C10orf90: variants seen among roughly 807,000 people sequenced by gnomAD.
C10orf90 encodes chromosome 10 open reading frame 90, also known as (E2-independent) E3 ubiquitin-conjugating enzyme FATS.
C10orf90 carries 56 observed loss-of-function variants against 62.5 expected under a neutral mutation model. The observed-to-expected ratio is 0.90, with a 90% confidence interval of 0.72 to 1.12. The LOEUF is 1.12. C10orf90 is among the 50% of genes most tolerant of loss of function. C10orf90 has a pLI of 0.00. For synonymous variants in C10orf90, 386 were observed against 340.4 expected (o/e 1.13, Z -1.47); for missense variants, 970 against 880.4 (o/e 1.10, Z -1.29).
intron 2 of C10orf90, among the ~76,000 whole-genome samples, chr10:126,519,580 G>A (rs576736082): frequency 6.6e-6 from 1 of 152,280 alleles, no homozygotes; most frequent in South Asian, 2.1e-4. Flanking sequence ...TCTTATGGAA[G>A]TCAAGGTTTA....
intron 7 of C10orf90, among the ~76,000 whole-genome samples, chr10:126,458,242 A>T (rs1564806184): frequency 1.3e-5 from 2 of 152,120 alleles, no homozygotes; most frequent in African/African-American, 4.8e-5. Flanking sequence ...ATTCTGAGTT[A>T]TACTCATGAT....
chr10:126,574,361 G>A (rs143622494), intron 2 of C10orf90, among the ~76,000 whole-genome samples: 1,717 of 152,088 alleles, frequency 0.011, 14 homozygotes, highest in Non-Finnish European at 0.017. Context: ...CAAATGGGAA[G>A]TTCACAGAAG....
At chr10:126,575,766 A>G (rs1349648119) in intron 2 of C10orf90, among the ~76,000 whole-genome samples, 8 of 152,104 alleles carry the variant, frequency 5.3e-5, no homozygotes, top group Non-Finnish European at 1.0e-4. Flanking sequence ...GAACCCAGAA[A>G]TTAATCTACA....
Position 126,504,403 on chromosome 10 carries a change from TA to T in C10orf90, c.1087del (p.Tyr363ThrfsTer2). 1 of 1,614,196 alleles carries T rather than the reference TA, an allele frequency of 6.2e-7. No individual in the cohort carries two copies. Among genetic ancestry groups the T allele is most frequent in the Non-Finnish European group, 8.5e-7 (1 of 1,180,040 alleles). ...GGGGACGGAGAGAGACTTGTCTACG[TA>T]ATAGATTGAATCTGGACACTGCTGA... ...VSQQCPDSIYYVDKSLSVPIE... is the reference protein window; with the variant it reads ...VSQQCPDSIYXVDKSLSVPIE... On this transcript the variant is annotated frameshift_variant, in exon 4 of 10. Coordinates refer to ENST00000488181, the MANE Select transcript of C10orf90 (RefSeq NM_001350921.2). LOFTEE classifies it high-confidence loss of function. This position sits in a 1 kb window ranked among gnomAD's most constrained non-coding sequence, Gnocchi z 4.1.
chr10:126,659,253 G>A (rs975322227), intron 1 of C10orf90, among the ~76,000 whole-genome samples: 1 of 152,208 alleles, frequency 6.6e-6, no homozygotes, highest in Non-Finnish European at 1.5e-5. Context: ...GCCATGCACT[G>A]AGAAGCTGGC....
chr10:126,532,730 C>T (rs1013874233), intron 2 of C10orf90, among the ~76,000 whole-genome samples: 10 of 147,798 alleles, frequency 6.8e-5, no homozygotes, highest in African/African-American at 2.0e-4. Flanking sequence ...CCAGCTACTC[C>T]GGAGGGTGAG....
At chr10:126,649,078 C>CCG (rs1554932172) in intron 1 of C10orf90, among the ~76,000 whole-genome samples, 3 of 106,098 alleles carry the variant, frequency 2.8e-5, no homozygotes, top group African/African-American at 7.3e-5. Flanking sequence ...CTCTCCCCCC[C>CCG]CCCCAGCAAT....
intron 2 of C10orf90, among the ~76,000 whole-genome samples, chr10:126,525,558 G>A (rs1017897503): frequency 6.6e-6 from 1 of 152,152 alleles, no homozygotes; most frequent in Non-Finnish European, 1.5e-5. Context: ...GGTTGGGGCA[G>A]CATGTGAAAG....
At chr10:126,508,728 G>C (rs1862917443) in intron 3 of C10orf90, among the ~76,000 whole-genome samples, 2 of 152,268 alleles carry the variant, frequency 1.3e-5, no homozygotes, top group African/African-American at 4.8e-5. Context: ...CAGGGCCTTT[G>C]GCTGCCACAG....
chr10:126,521,591 G>T, intron 2 of C10orf90: 1 of 626,364 alleles, frequency 1.6e-6, no homozygotes, highest in Non-Finnish European at 2.4e-6. Context: ...TCTCTTTGAT[G>T]TTTACATTTG....
At position 126,456,451 on chromosome 10, in the gene C10orf90, C is replaced by T. The variant is rs1300826908; in HGVS notation, c.2188+2589G>A. Reference sequence around the variant, plus strand: ...AAAGGTACTCAGTTAACATTCTGAACTGAGCCTGGTTACCTTTTATTACAT... The same window carrying T: ...AAAGGTACTCAGTTAACATTCTGAATTGAGCCTGGTTACCTTTTATTACAT... On this transcript the variant is annotated intron_variant, in intron 7 of 9. Transcript: ENST00000488181. This position sits in a 1 kb window ranked among gnomAD's most constrained non-coding sequence, Gnocchi z 4.9. Among the ~76,000 whole-genome samples the T allele has an allele frequency of 1.3e-5, 2 of 152,180 alleles. No individual in the cohort carries two copies. The highest frequency in any genetic ancestry group is 1.5e-5 in the Non-Finnish European group (1 of 68,036).
chr10:126,488,007 A>C (rs1861531063), intron 4 of C10orf90, among the ~76,000 whole-genome samples: 1 of 152,134 alleles, frequency 6.6e-6, no homozygotes. Flanking sequence ...TGGTCACTAA[A>C]ATAATAGAAA....
chr10:126,618,332 CCT>C (rs1442838179), intron 2 of C10orf90, among the ~76,000 whole-genome samples: 2 of 152,120 alleles, frequency 1.3e-5, no homozygotes, highest in African/African-American at 4.8e-5. Context: ...TGGCTTTGCC[CCT>C]GACATTGACA....
chr10:126,525,708 C>T (rs1863920978), intron 2 of C10orf90, among the ~76,000 whole-genome samples: 1 of 152,142 alleles, frequency 6.6e-6, no homozygotes, highest in African/African-American at 2.4e-5. Context: ...CACACCACTG[C>T]CATTATCCTG....
rs1325465439 is a variant in C10orf90, at chr10:126,456,040, T to C, written c.2188+3000A>G. On this transcript the variant is annotated intron_variant, in intron 7 of 9. Transcript: ENST00000488181. The surrounding 1 kb of genome is among the most constrained non-coding windows in gnomAD (Gnocchi z 4.9). ...CAGCTACCCCAGCACCAAAAGCAAA[T>C]AGGAGTCTTCTTTTTAACAGACGCC... Among the ~76,000 whole-genome samples, 1 of 152,174 alleles carries C rather than the reference T, an allele frequency of 6.6e-6. No individual in the cohort carries two copies. Among genetic ancestry groups the C allele is most frequent in the Non-Finnish European group, 1.5e-5 (1 of 68,022 alleles).
intron 2 of C10orf90, among the ~76,000 whole-genome samples, chr10:126,614,915 C>A (rs1845509953): frequency 6.6e-6 from 1 of 152,192 alleles, no homozygotes; most frequent in Non-Finnish European, 1.5e-5. Flanking sequence ...TAACAAAGTT[C>A]TTCAAGACTC....
At chr10:126,426,142 G>T (rs769036107) in intron 8 of C10orf90, 52 bp from the exon 9 acceptor site, 11 of 1,398,300 alleles carry the variant, frequency 7.9e-6, no homozygotes, top group Middle Eastern at 1.8e-4. Flanking sequence ...GCGTGCTCCC[G>T]CTGTGGGGCT....
chr10:126,616,998 G>A (rs186839944), intron 2 of C10orf90, among the ~76,000 whole-genome samples: 104 of 152,246 alleles, frequency 6.8e-4, no homozygotes, highest in African/African-American at 2.3e-3. Flanking sequence ...TTCCTGGACT[G>A]TGTTTCTGCC....
chr10:126,609,859 G>A (rs573211830), intron 2 of C10orf90, among the ~76,000 whole-genome samples: 2 of 152,342 alleles, frequency 1.3e-5, no homozygotes, highest in South Asian at 4.1e-4. Context: ...GAGCAAGGGT[G>A]TGATGTGATC....
Sources: gnomAD v4.1 joint callset for allele counts (sites outside exome capture counted in the v4.1 genomes callset) on GRCh38, gnomAD v4.1.1 for gene constraint, Gnocchi (gnomAD v3.1) non-coding constraint, MANE v1.5 for transcripts, NCBI Gene and HGNC (gene_info 2026-07-23, HGNC 2026-07-21) for gene names.